Variants in TMEM117 observed in about 807,000 individuals in gnomAD.
TMEM117 encodes transmembrane protein 117.
TMEM117 carries 27 observed loss-of-function variants against 52.4 expected under a neutral mutation model. That is an observed-to-expected ratio of 0.51 (90% CI 0.38 to 0.71). TMEM117 has a LOEUF of 0.71. Among genes scored for constraint, TMEM117 ranks in the 30% least tolerant of loss-of-function variants. The probability of loss-of-function intolerance (pLI) is 0.00; values close to 1 mark genes in which losing one functional copy is unlikely to be tolerated. For synonymous variants in TMEM117, 215 were observed against 206.3 expected (o/e 1.04, Z -0.36); for missense variants, 556 against 630.5 (o/e 0.88, Z 1.26).
chr12:44,096,567 A>C (rs1286250356), intron 3 of TMEM117, among the ~76,000 whole-genome samples: 13 of 151,910 alleles, frequency 8.6e-5, no homozygotes, highest in African/African-American at 3.1e-4. Context: ...CCGCATATCT[A>C]CAACTATCTG....
chr12:43,925,171 C>T (rs976298197), intron 2 of TMEM117, among the ~76,000 whole-genome samples: 19 of 152,060 alleles, frequency 1.2e-4, no homozygotes, highest in African/African-American at 4.6e-4. Context: ...GGAAGTTCCT[C>T]ATGTCATTTC....
chr12:44,195,889 A>AAAATAAATAAATAAAT (rs71091196), intron 4 of TMEM117, among the ~76,000 whole-genome samples: 1 of 136,536 alleles, frequency 7.3e-6, no homozygotes, highest in Non-Finnish European at 1.6e-5. Context: ...CCCTGTCTCT[A>AAAATAAATAAATAAAT]AAATAAATAA....
At chr12:43,814,522 C>G in the TMEM117 span, among the ~76,000 whole-genome samples, 1 of 152,112 alleles carries the variant, frequency 6.6e-6, no homozygotes, top group African/African-American at 2.4e-5. Context: ...CTAACTTGTC[C>G]AGACTCTCGC....
At chr12:44,123,244 G>GTT (rs146192762) in intron 3 of TMEM117, among the ~76,000 whole-genome samples, 8 of 147,452 alleles carry the variant, frequency 5.4e-5, no homozygotes, top group South Asian at 2.2e-4. Context: ...TTTTAATGGG[G>GTT]TTTTTTTTTT....
intron 3 of TMEM117, among the ~76,000 whole-genome samples, chr12:44,058,766 GTTTC>G (rs1348034627): frequency 1.3e-5 from 2 of 152,132 alleles, no homozygotes; most frequent in Non-Finnish European, 2.9e-5. Context: ...TTTGTCTTCA[GTTTC>G]TTTTTTTGTT....
chr12:44,287,060 A>T (rs1428341708), intron 5 of TMEM117, among the ~76,000 whole-genome samples: 4 of 152,158 alleles, frequency 2.6e-5, no homozygotes, highest in Non-Finnish European at 5.9e-5. Flanking sequence ...TTTTTTAACA[A>T]CAACTCTGTG....
rs377314452 is a variant in TMEM117 at position 44,162,371 on chromosome 12, A to G, written c.510+18747A>G. Among the ~76,000 whole-genome samples, 4 of 152,142 alleles carry G rather than the reference A, an allele frequency of 2.6e-5. No homozygotes were observed. The East Asian group carries it at 7.7e-4, about 29-fold the overall frequency. ...GCATGAAACCATGCCCTCAGGGTGC[A>G]TTTTCTCTCCCTCCACAGACAGAGC... On this transcript the variant is annotated intron_variant, in intron 4 of 7. Transcript: ENST00000266534.
Position 44,388,709 on chromosome 12 carries a change from C to G in TMEM117, c.*37C>G, listed in dbSNP as rs1565787029. On this transcript the variant is annotated 3_prime_UTR_variant, in exon 8 of 8. Transcript: ENST00000266534. ...GACTTGGAGATAACACAAAAAGCAA[C>G]CTTGAGTGTAACTTTAAAAATTTAG... 6.3e-6 allele frequency: 10 copies of G among 1,588,020 alleles called. No individual in the cohort carries two copies. The highest frequency in any genetic ancestry group is 8.6e-6 in the Non-Finnish European group (10 of 1,168,632).
At chr12:43,916,089 C>T (rs1161454079) in intron 2 of TMEM117, among the ~76,000 whole-genome samples, 1 of 152,034 alleles carries the variant, frequency 6.6e-6, no homozygotes, top group Non-Finnish European at 1.5e-5. Context: ...CTTTTTCCAG[C>T]CACATTTTGA....
At chr12:44,319,653 T>C (rs544759476) in intron 6 of TMEM117, among the ~76,000 whole-genome samples, 31 of 152,178 alleles carry the variant, frequency 2.0e-4, no homozygotes, top group Non-Finnish European at 3.8e-4. Flanking sequence ...GGAAGAAAAA[T>C]AATGCATTTT....
At position 43,844,632 on chromosome 12, in the gene TMEM117, C is replaced by A; in HGVS notation, c.-20C>A. 6.2e-7 allele frequency: 1 copy of A among 1,606,598 alleles called. No homozygotes were observed. The highest frequency in any genetic ancestry group is 8.5e-7 in the Non-Finnish European group (1 of 1,177,036). On this transcript the variant is annotated 5_prime_UTR_variant, in exon 2 of 8. Transcript: ENST00000266534. ...TATCTTTTCTTATACAGGTAAACTA[C>A]GAACTGGGAGTTCTGAAGAATGGGT...
chr12:44,122,098 G>A (rs1203957852), intron 3 of TMEM117, among the ~76,000 whole-genome samples: 2 of 147,784 alleles, frequency 1.4e-5, no homozygotes, highest in Non-Finnish European at 3.0e-5. Context: ...CAGGCTGAGT[G>A]CAGTGGCGCA....
intron 3 of TMEM117, among the ~76,000 whole-genome samples, chr12:43,971,901 T>C (rs1263939557): frequency 6.6e-6 from 1 of 152,238 alleles, no homozygotes; most frequent in African/African-American, 2.4e-5. Flanking sequence ...ATTAGTAACT[T>C]CTCAGTTCCC....
At chr12:44,099,439 G>A (rs943789120) in intron 3 of TMEM117, among the ~76,000 whole-genome samples, 11 of 151,892 alleles carry the variant, frequency 7.2e-5, no homozygotes, top group Non-Finnish European at 1.5e-4. Context: ...CCATAAGATG[G>A]TAAAAATACT....
At chr12:43,962,934 T>TA (rs748027479) in intron 3 of TMEM117, among the ~76,000 whole-genome samples, 97 of 142,796 alleles carry the variant, frequency 6.8e-4, no homozygotes, top group African/African-American at 1.3e-3. Flanking sequence ...AGACTCCGTT[T>TA]AAAAAAAAAA....
intron 2 of TMEM117, among the ~76,000 whole-genome samples, chr12:43,884,850 T>C: frequency 6.6e-6 from 1 of 152,188 alleles, no homozygotes; most frequent in East Asian, 1.9e-4. Flanking sequence ...CACTGCATTC[T>C]TGGCATTATC....
At chr12:43,948,541 G>A (rs920570591) in intron 3 of TMEM117, among the ~76,000 whole-genome samples, 9 of 152,002 alleles carry the variant, frequency 5.9e-5, no homozygotes, top group South Asian at 2.1e-4. Flanking sequence ...TCCTGACCTC[G>A]TGATCCGCCT....
At chr12:44,182,409 G>A (rs1417303984) in intron 4 of TMEM117, among the ~76,000 whole-genome samples, 1 of 152,158 alleles carries the variant, frequency 6.6e-6, no homozygotes, top group Non-Finnish European at 1.5e-5. Flanking sequence ...GGAGTGGTGA[G>A]AGAGGGCATC....
chr12:44,329,675 C>A (rs149568195), intron 6 of TMEM117, among the ~76,000 whole-genome samples: 1 of 152,050 alleles, frequency 6.6e-6, no homozygotes. Flanking sequence ...TTCCTTTCTC[C>A]CCTTGTGCCT....
Sources: allele counts gnomAD v4.1 joint callset (sites outside exome capture counted in the v4.1 genomes callset), GRCh38; gene constraint gnomAD v4.1.1; transcripts MANE v1.5; gene names NCBI Gene and HGNC (gene_info 2026-07-23, HGNC 2026-07-21).